LENG1: variants seen among roughly 807,000 people sequenced by gnomAD.
The protein encoded by LENG1 is leukocyte receptor cluster (LRC) member 1.
A neutral mutation model predicts 28.8 loss-of-function variants in LENG1; 35 were observed. The observed-to-expected ratio is 1.22, with a 90% CI of 0.93 to 1.61. The LOEUF (loss-of-function observed/expected upper bound fraction) is 1.61. Ranked by LOEUF, LENG1 falls within the 40% of genes most tolerant of loss-of-function variation. LENG1 has a pLI of 0.00. For missense variants in LENG1, 404 were observed against 348.9 expected (o/e 1.16, Z -1.26); for synonymous variants, 170 against 140.6 (o/e 1.21, Z -1.48).
At chr19:54,158,232 C>T (rs2075431161) in intron 2 of LENG1, 50 bp downstream of exon 2, 1 of 1,560,412 alleles carries the variant, frequency 6.4e-7, no homozygotes, top group Admixed American at 1.7e-5. Flanking sequence ...TGCCCCCTCC[C>T]TCCAACTCGA....
Position 54,156,975 on chromosome 19 carries a change from T to A in LENG1, c.363A>T (p.Ala121=), listed in dbSNP as rs764625479. 10 of 1,600,502 alleles carry A rather than the reference T, an allele frequency of 6.2e-6. No homozygotes were observed. In the East Asian group the frequency reaches 2.2e-4, roughly 36 times the overall value. The change falls in exon 3 of 4, where the codon GCA becomes GCT. Residue 121 remains alanine, a synonymous_variant. Transcript: ENST00000222224. ...LGILTYLGQS[A]AEAQTQPPWY... ...AAGGGGGTTGAGTCTGTGCCTCCGCTGCACTCTGGCCCAGGTATGTCAGGA... is the reference window on the plus strand; with the variant it reads ...AAGGGGGTTGAGTCTGTGCCTCCGCAGCACTCTGGCCCAGGTATGTCAGGA...
At position 54,155,711 on chromosome 19, in the gene LENG1, C is replaced by G. The variant is rs2075365080; in HGVS notation, c.*10G>C. On this transcript the variant is annotated 3_prime_UTR_variant, in exon 4 of 4. Coordinates refer to ENST00000222224, the MANE Select transcript of LENG1 (RefSeq NM_024316.3). ...TGGCAGCAGCGGCCTCTCCTGTACC[C>G]CCTCAGGAGTCAGTGAGTAAGGTGA... 1 of 1,602,770 alleles carries G rather than the reference C, an allele frequency of 6.2e-7. No homozygotes were observed. The highest frequency in any genetic ancestry group is 1.1e-5 in the South Asian group (1 of 90,128).
In LENG1 at chr19:54,155,464, G is replaced by T; in HGVS notation, c.*257C>A. The T allele has an allele frequency of 8.3e-7, 1 of 1,201,848 alleles. No individual in the cohort carries two copies. Among genetic ancestry groups the T allele is most frequent in the Non-Finnish European group, 1.2e-6 (1 of 841,620 alleles). 74.4% of individuals were successfully genotyped at this position (1,201,848 alleles called of 1,614,324 possible). ...CCCGCATGCTGATCCCCCTGCCCAGGTGAGGGCCCTGCCCTGGAAGACTGG... is the reference window on the plus strand; with the variant it reads ...CCCGCATGCTGATCCCCCTGCCCAGTTGAGGGCCCTGCCCTGGAAGACTGG... On this transcript the variant is annotated 3_prime_UTR_variant, in exon 4 of 4. Transcript: ENST00000222224.
chr19:54,155,950 G>A lies in LENG1; in HGVS notation c.576-10C>T. On this transcript the variant is annotated splice_polypyrimidine_tract_variant and intron_variant, in intron 3 of 3. Coordinates refer to ENST00000222224, the MANE Select transcript of LENG1 (RefSeq NM_024316.3). The stretch of plus-strand genomic sequence containing the variant: ...GTCCAGGGATGGAGGCCTGTGGGGA[G>A]AGGAGTGAGGTCAGAAAGCTGGTAG... The A allele has an allele frequency of 6.3e-7, 1 of 1,598,456 alleles. No homozygotes were observed. The highest frequency in any genetic ancestry group is 8.5e-7 in the Non-Finnish European group (1 of 1,172,564).
intron 3 of LENG1, 100 bp from the exon 4 acceptor site, chr19:54,156,040 A>G (rs2075378997): frequency 5.7e-6 from 6 of 1,052,588 alleles, no homozygotes; most frequent in Non-Finnish European, 8.2e-6. Context: ...GCCCCGCTGC[A>G]TCCAGCACAC....
In LENG1 at chr19:54,155,790, C is replaced by T. The variant is rs1245046803; in HGVS notation, c.726G>A (p.Arg242=). The change falls in exon 4 of 4, where the codon CGG becomes CGA. Residue 242 remains arginine (R), a synonymous_variant. Coordinates refer to ENST00000222224, the MANE Select transcript of LENG1 (RefSeq NM_024316.3). ...EEDETDDRRR[R]YNSQFNPQLA... The stretch of plus-strand genomic sequence containing the variant: ...GCTGGGGGTTGAATTGGGAGTTGTA[C>T]CGCCGCCGCCGGTCATCCGTCTCGT... The T allele has an allele frequency of 1.2e-6, 2 of 1,610,930 alleles. No individual in the cohort carries two copies. The highest frequency in any genetic ancestry group is 1.7e-6 in the Non-Finnish European group (2 of 1,179,482).
Position 54,155,537 on chromosome 19 carries a change from AG to A in LENG1, c.*183del. 1 of 904,826 alleles carries A rather than the reference AG, an allele frequency of 1.1e-6. No homozygotes were observed. The allele number at this position is 904,826 out of a possible 1,614,324, so 56.0% of individuals were successfully genotyped here. On this transcript the variant is annotated 3_prime_UTR_variant, in exon 4 of 4. Coordinates refer to ENST00000222224, the MANE Select transcript of LENG1 (RefSeq NM_024316.3). ...CATCCCCCTCTCCCAGGAAGCAGGG[AG>A]GGGGCCGGGAGGTTTTCCTCTCAGC...
At position 54,155,497 on chromosome 19, in the gene LENG1, C is replaced by G. The variant is rs1283977695; in HGVS notation, c.*224G>C. ...CCTGCCCTGGAAGACTGGAGGGAGG[C>G]CCCAAGCCACGGGGCATCCCCCTCT... On this transcript the variant is annotated 3_prime_UTR_variant, in exon 4 of 4. Coordinates refer to ENST00000222224, the MANE Select transcript of LENG1 (RefSeq NM_024316.3). 20 of 990,720 alleles carry G rather than the reference C, an allele frequency of 2.0e-5. No homozygotes were observed. In the South Asian group the frequency reaches 3.2e-4, roughly 16 times the overall value. The allele number at this position is 990,720 out of a possible 1,614,324, so 61.4% of individuals were successfully genotyped here. A position where few individuals can be genotyped will look rare whatever the true frequency, so the allele number is the denominator to read the frequency against.
intron 2 of LENG1, 98 bp from the exon 3 acceptor site, chr19:54,157,123 C>T (rs1196384483): frequency 1.2e-5 from 12 of 1,007,310 alleles, no homozygotes; most frequent in Middle Eastern, 3.0e-4. Context: ...GTATCTAAGG[C>T]TTGTTATGAA....
At chr19:54,159,440 G>T (rs544245313) in intron 1 of LENG1, 124 bp downstream of exon 1, 5 of 1,073,500 alleles carry the variant, frequency 4.7e-6, no homozygotes, top group East Asian at 5.5e-5. Flanking sequence ...AAGTGGGATC[G>T]GCGCCTGGTC....
chr19:54,158,214 GGCTAA>G (rs1230051933), intron 2 of LENG1, 63 bp downstream of exon 2: 4 of 1,418,142 alleles, frequency 2.8e-6, no homozygotes, highest in Non-Finnish European at 3.9e-6. Flanking sequence ...CACAACCAAT[GGCTAA>G]AGTGCCCCCT....
chr19:54,159,632 G>A lies in LENG1; in HGVS notation c.64C>T (p.Arg22Cys), dbSNP rs1381339018. The A allele has an allele frequency of 1.2e-6, 2 of 1,612,462 alleles. No homozygotes were observed. Among genetic ancestry groups the A allele is most frequent in the Non-Finnish European group, 1.7e-6 (2 of 1,179,452 alleles). Residue 22 changes from arginine to cysteine, a missense_variant, in exon 1 of 4, where the codon CGT becomes TGT. Coordinates refer to ENST00000222224, the MANE Select transcript of LENG1 (RefSeq NM_024316.3). ...RNKDNVARVRRDEAQAREEEK... is the reference protein window; with the variant it reads ...RNKDNVARVRCDEAQAREEEK... ...TCCTCCCGGGCCTGGGCCTCGTCAC[G>A]CCGCACGCGGGCGACATTGTCCTTG...
chr19:54,157,335 C>G (rs910818570), intron 2 of LENG1, among the ~76,000 whole-genome samples: 1 of 152,184 alleles, frequency 6.6e-6, no homozygotes, highest in African/African-American at 2.4e-5. Flanking sequence ...GTGGGGTCAG[C>G]AAGTCCAGAG....
In LENG1 at chr19:54,155,168, TGA is replaced by T. The variant is rs1386017874; in HGVS notation, c.*551_*552del. On this transcript the variant is annotated 3_prime_UTR_variant, in exon 4 of 4. Coordinates refer to ENST00000222224, the MANE Select transcript of LENG1 (RefSeq NM_024316.3). ...CCAAGAAGAACCTTGTGAGGATGGA[TGA>T]GAGTGTGTGCGTGCAGGGCAGCTGG... 7 of 862,468 alleles carry T rather than the reference TGA, an allele frequency of 8.1e-6. No homozygotes were observed. In the African/African-American group the frequency reaches 8.5e-5, roughly 11 times the overall value. The allele number at this position is 862,468 out of a possible 1,614,324, so 53.4% of individuals were successfully genotyped here. A position where few individuals can be genotyped will look rare whatever the true frequency, so the allele number is the denominator to read the frequency against.
intron 2 of LENG1, among the ~76,000 whole-genome samples, chr19:54,157,882 T>A (rs2075424694): frequency 6.7e-6 from 1 of 150,162 alleles, no homozygotes; most frequent in South Asian, 2.1e-4. Flanking sequence ...CATGCCCGGC[T>A]AATTTTTTTT....
chr19:54,156,353 C>T (rs1218326720), intron 3 of LENG1, among the ~76,000 whole-genome samples: 2 of 152,192 alleles, frequency 1.3e-5, no homozygotes, highest in African/African-American at 2.4e-5. Flanking sequence ...CCCCTTTATA[C>T]TCTTAAAAAC....
rs1334287487 is a variant in LENG1, at chr19:54,155,622, A to G, written c.*99T>C. ...CCTCCTCCCCTCCCCAGTGAGGGAC[A>G]TTTTTTGGTAAACCTATTTTCATTT... On this transcript the variant is annotated 3_prime_UTR_variant, in exon 4 of 4. Transcript: ENST00000222224. 1 of 1,285,872 alleles carries G rather than the reference A, an allele frequency of 7.8e-7. No homozygotes were observed. The highest frequency in any genetic ancestry group is 1.5e-5 in the African/African-American group (1 of 66,972). The allele number at this position is 1,285,872 out of a possible 1,614,324, so 79.7% of individuals were successfully genotyped here.
chr19:54,155,569 C>T lies in LENG1; in HGVS notation c.*152G>A, dbSNP rs1184275107. 1.0e-6 allele frequency: 1 copy of T among 977,742 alleles called. No homozygotes were observed. Among genetic ancestry groups the T allele is most frequent in the East Asian group, 2.6e-5 (1 of 38,010 alleles). 60.6% of individuals were successfully genotyped at this position (977,742 alleles called of 1,614,324 possible). The stretch of plus-strand genomic sequence containing the variant: ...CGGGAGGTTTTCCTCTCAGCCCCAC[C>T]CTGGGGGCCCGGGGGCGAGGGCTGC... On this transcript the variant is annotated 3_prime_UTR_variant, in exon 4 of 4. Coordinates refer to ENST00000222224, the MANE Select transcript of LENG1 (RefSeq NM_024316.3).
chr19:54,157,208 G>C (rs2075410143), intron 2 of LENG1, among the ~76,000 whole-genome samples, 183 bp from the exon 3 acceptor site: 1 of 152,158 alleles, frequency 6.6e-6, no homozygotes, highest in Non-Finnish European at 1.5e-5. Flanking sequence ...AGCAGGTACA[G>C]TAACAGCAGG....
Sources: allele counts gnomAD v4.1 joint callset (sites outside exome capture counted in the v4.1 genomes callset), GRCh38; gene constraint gnomAD v4.1.1; transcripts MANE v1.5; gene names NCBI Gene and HGNC (gene_info 2026-07-23, HGNC 2026-07-21).